WWOX: variants seen among roughly 807,000 people sequenced by gnomAD.
WWOX encodes the protein WW domain-containing oxidoreductase.
A neutral mutation model predicts 46.2 loss-of-function variants in WWOX; 69 were observed. The ratio of observed to expected loss-of-function variants is 1.49; its 90% CI spans 1.23 to 1.82. WWOX has a LOEUF of 1.82. Ranked by LOEUF, WWOX falls within the 40% of genes most tolerant of loss-of-function variation. The pLI is 0.00. For missense variants in WWOX, 919 were observed against 542.6 expected (o/e 1.69, Z -6.89); for synonymous variants, 359 against 202.6 (o/e 1.77, Z -6.56).
chr16:78,930,988 T>C lies in WWOX; in HGVS notation c.1057-280620T>C, dbSNP rs547080057. On this transcript the variant is annotated intron_variant, in intron 8 of 8. Coordinates refer to ENST00000566780, the MANE Select transcript of WWOX (RefSeq NM_016373.4). ...GTCACTAGCAGCCTCAGTTTCCTCA[T>C]CCATAAGATGGGGATAGCAATATCT... 3.3e-5 allele frequency among the ~76,000 whole-genome samples: 5 copies of C among 152,292 alleles called. No homozygotes were observed. In the East Asian group the frequency reaches 7.7e-4, roughly 24 times the overall value.
At chr16:78,368,410 T>C (rs1449320549) in intron 5 of WWOX, among the ~76,000 whole-genome samples, 1 of 152,206 alleles carries the variant, frequency 6.6e-6, no homozygotes, top group Non-Finnish European at 1.5e-5. Context: ...GAGTGTGGAC[T>C]CATAAAGTCA....
At chr16:78,981,109 G>A (rs2046672876) in intron 8 of WWOX, among the ~76,000 whole-genome samples, 1 of 152,174 alleles carries the variant, frequency 6.6e-6, no homozygotes, top group Admixed American at 6.5e-5. Flanking sequence ...GGAGTCCCAT[G>A]CCTTGGTGTT....
chr16:78,445,627 A>C (rs2083541651), intron 8 of WWOX, among the ~76,000 whole-genome samples: 1 of 152,198 alleles, frequency 6.6e-6, no homozygotes, highest in African/African-American at 2.4e-5. Context: ...AAATAGGCAA[A>C]CAGGTTTACA....
chr16:78,100,371 G>C (rs1219201819), intron 1 of WWOX, among the ~76,000 whole-genome samples: 1 of 152,102 alleles, frequency 6.6e-6, no homozygotes, highest in Non-Finnish European at 1.5e-5. Context: ...TCTCATCTCA[G>C]CCTCTTGAGT....
At chr16:79,043,211 AT>A (rs1015969100) in intron 8 of WWOX, among the ~76,000 whole-genome samples, 1 of 152,160 alleles carries the variant, frequency 6.6e-6, no homozygotes, top group Non-Finnish European at 1.5e-5. Context: ...TGAAAAAAAA[AT>A]CTATGTATAA....
At chr16:79,210,690 C>CTGAACAGCAGCCTATTATTTTTAA (rs1319492461) in intron 8 of WWOX, among the ~76,000 whole-genome samples, 3 of 152,096 alleles carry the variant, frequency 2.0e-5, no homozygotes, top group Non-Finnish European at 2.9e-5. Flanking sequence ...ATGTCTCCCT[C>CTGAACAGCAGCCTATTATTTTTAA]TGAACAGCAG....
chr16:78,593,730 AAAAAAAAG>A (rs1049392878), intron 8 of WWOX, among the ~76,000 whole-genome samples: 5 of 53,340 alleles, frequency 9.4e-5, no homozygotes, highest in African/African-American at 3.5e-4. Flanking sequence ...TGTAGTTAAA[AAAAAAAAG>A]AGAGAGAGAG....
intron 8 of WWOX, among the ~76,000 whole-genome samples, chr16:78,677,172 G>T (rs909305684): frequency 6.6e-6 from 1 of 152,044 alleles, no homozygotes; most frequent in Admixed American, 6.6e-5. Context: ...TGTCCCCTGG[G>T]CAGGTGCATG....
At chr16:78,772,391 C>T (rs1316911097) in intron 8 of WWOX, among the ~76,000 whole-genome samples, 1 of 152,160 alleles carries the variant, frequency 6.6e-6, no homozygotes. Context: ...TATATGGCTG[C>T]ATAGTATTCC....
Position 78,928,445 on chromosome 16 carries a change from G to A in WWOX, c.1057-283163G>A, listed in dbSNP as rs898069450. Among the ~76,000 whole-genome samples, 63 of 152,044 alleles carry A rather than the reference G, an allele frequency of 4.1e-4. 1 individual carries two copies. The highest frequency in any genetic ancestry group is 7.1e-4 in the Non-Finnish European group (48 of 67,968). ...TCTCGATCTCCTGACCTCGTGATCTGCCCGCCTCGGCCTCCCAAAGTGCTG... is the reference window on the plus strand; with the variant it reads ...TCTCGATCTCCTGACCTCGTGATCTACCCGCCTCGGCCTCCCAAAGTGCTG... On this transcript the variant is annotated intron_variant, in intron 8 of 8. Coordinates refer to ENST00000566780, the MANE Select transcript of WWOX (RefSeq NM_016373.4).
chr16:78,115,554 A>T (rs975537149), intron 4 of WWOX, among the ~76,000 whole-genome samples: 1 of 152,226 alleles, frequency 6.6e-6, no homozygotes, highest in African/African-American at 2.4e-5. Context: ...GGAACAAAGG[A>T]TACTACAGGT....
intron 5 of WWOX, among the ~76,000 whole-genome samples, chr16:78,361,781 T>C (rs900997991): frequency 6.6e-6 from 1 of 151,956 alleles, no homozygotes; most frequent in Middle Eastern, 3.2e-3. Flanking sequence ...CCAGCTAATT[T>C]TTATATTTTT....
At chr16:78,914,785 A>G (rs1277047546) in intron 8 of WWOX, among the ~76,000 whole-genome samples, 1 of 149,806 alleles carries the variant, frequency 6.7e-6, no homozygotes, top group African/African-American at 2.4e-5. Context: ...AGGCTGAGGC[A>G]GGAGAATGGC....
intron 8 of WWOX, among the ~76,000 whole-genome samples, chr16:78,713,301 A>T (rs1026984224): frequency 7.4e-5 from 11 of 147,748 alleles, no homozygotes; most frequent in African/African-American, 2.8e-4. Flanking sequence ...AAAAAAAAAA[A>T]GCTAGTAGCA....
intron 8 of WWOX, among the ~76,000 whole-genome samples, chr16:78,754,080 A>G (rs1221699592): frequency 6.6e-6 from 1 of 151,704 alleles, no homozygotes; most frequent in Non-Finnish European, 1.5e-5. Context: ...CCCATTGGGC[A>G]TTGCTAAGTA....
intron 8 of WWOX, among the ~76,000 whole-genome samples, chr16:78,635,649 G>C (rs2046549261): frequency 6.6e-6 from 1 of 152,112 alleles, no homozygotes; most frequent in African/African-American, 2.4e-5. Flanking sequence ...AAAAATGCTT[G>C]ACCAGCATTC....
At chr16:79,093,450 G>C (rs2049005154) in intron 8 of WWOX, among the ~76,000 whole-genome samples, 1 of 152,086 alleles carries the variant, frequency 6.6e-6, no homozygotes, top group African/African-American at 2.4e-5. Flanking sequence ...TTTAGATAGA[G>C]CTTTTATTTG....
At chr16:78,104,542 T>C (rs1278283883) in intron 1 of WWOX, among the ~76,000 whole-genome samples, 1 of 152,122 alleles carries the variant, frequency 6.6e-6, no homozygotes, top group African/African-American at 2.4e-5. Flanking sequence ...CGTGGAAGTG[T>C]GGTATTCACA....
intron 8 of WWOX, among the ~76,000 whole-genome samples, chr16:78,713,493 T>C (rs1264652119): frequency 1.3e-5 from 2 of 152,054 alleles, no homozygotes; most frequent in African/African-American, 2.4e-5. Flanking sequence ...AATGTTACTC[T>C]ATTTGGAGAT....
Sources: allele counts gnomAD v4.1 joint callset (sites outside exome capture counted in the v4.1 genomes callset), GRCh38; gene constraint gnomAD v4.1.1; transcripts MANE v1.5; gene names NCBI Gene and HGNC (gene_info 2026-07-23, HGNC 2026-07-21).